APBA2: variants seen among roughly 807,000 people sequenced by gnomAD.
APBA2 encodes the protein amyloid beta precursor protein binding family A member 2.
Under a neutral mutation model 75.0 loss-of-function variants are expected in APBA2, and 30 were observed. That is an observed-to-expected ratio of 0.40 (90% CI 0.30 to 0.54). APBA2 has a LOEUF of 0.54. Ranked by LOEUF, APBA2 falls within the 20% of genes least tolerant of loss-of-function variation. The probability of loss-of-function intolerance (pLI) is 0.49; values close to 1 mark genes in which losing one functional copy is unlikely to be tolerated. For synonymous variants in APBA2, 444 were observed against 409.6 expected, an observed-to-expected ratio of 1.08 and a Z score of -1.01; for missense variants, 801 against 1,016.1, an observed-to-expected ratio of 0.79 and a Z score of 2.88.
chr15:29,045,083 C>CTCTCTT (rs1279560898), intron 3 of APBA2, among the ~76,000 whole-genome samples: 1 of 139,880 alleles, frequency 7.1e-6, no homozygotes, highest in East Asian at 2.1e-4. Context: ...CTCTCTCTCT[C>CTCTCTT]TCTCTCTCTC....
intron 1 of APBA2, among the ~76,000 whole-genome samples, chr15:28,910,422 C>T (rs141763337): frequency 1.2e-3 from 181 of 152,242 alleles, no homozygotes; most frequent in African/African-American, 4.2e-3. Context: ...TGATTCCTGC[C>T]AAAATCTTAA....
chr15:29,023,481 A>C (rs1259620161), intron 3 of APBA2, among the ~76,000 whole-genome samples: 1 of 97,266 alleles, frequency 1.0e-5, no homozygotes, highest in African/African-American at 3.9e-5. Flanking sequence ...TTTGAGACAG[A>C]GTCTTGCTCT....
intron 3 of APBA2, among the ~76,000 whole-genome samples, chr15:29,007,331 C>T (rs1362635820): frequency 6.6e-6 from 1 of 152,156 alleles, no homozygotes; most frequent in Non-Finnish European, 1.5e-5. Context: ...TTGGTAGTGA[C>T]TTCTTGGATG....
At chr15:29,073,992 G>C (rs1044052728) in intron 4 of APBA2, among the ~76,000 whole-genome samples, 12 of 152,082 alleles carry the variant, frequency 7.9e-5, no homozygotes, top group African/African-American at 2.7e-4. Context: ...TCTCATCCAA[G>C]AATTTAGGTT....
intron 4 of APBA2, among the ~76,000 whole-genome samples, chr15:29,060,296 G>C (rs28551633): frequency 2.0e-5 from 3 of 152,216 alleles, no homozygotes; most frequent in Admixed American, 1.3e-4. Flanking sequence ...GAGCAACCCA[G>C]AGAGAGGGAG....
At chr15:29,060,681 G>T (rs1421846904) in intron 4 of APBA2, among the ~76,000 whole-genome samples, 6 of 152,158 alleles carry the variant, frequency 3.9e-5, no homozygotes, top group Admixed American at 3.9e-4. Context: ...GTGCTAACGT[G>T]TCCTAAGTTC....
intron 2 of APBA2, among the ~76,000 whole-genome samples, chr15:28,931,408 G>A (rs2034556846): frequency 6.6e-6 from 1 of 152,308 alleles, no homozygotes; most frequent in South Asian, 2.1e-4. Flanking sequence ...GACTCAGAGG[G>A]AGTCTCACGC....
At position 29,077,357 on chromosome 15, in the gene APBA2, G is replaced by A. The variant is rs1595903679; in HGVS notation, c.1069+1266G>A. On this transcript the variant is annotated intron_variant, in intron 6 of 14. Coordinates refer to ENST00000683413, the MANE Select transcript of APBA2 (RefSeq NM_001353788.2). ...CCTTGGCAGGCAGAAGCCAGGGTGG[G>A]GTTGCCAGTCACACTGCTCCAGTGA... is the stretch of plus-strand genomic sequence containing the variant. 2.0e-5 allele frequency among the ~76,000 whole-genome samples: 3 copies of A among 152,270 alleles called. No homozygotes were observed. The South Asian group carries it at 6.2e-4, about 32-fold the overall frequency.
chr15:28,996,865 G>A (rs1282028956), intron 3 of APBA2, among the ~76,000 whole-genome samples: 1 of 152,230 alleles, frequency 6.6e-6, no homozygotes, highest in East Asian at 1.9e-4. Context: ...AACACTTTGT[G>A]TGTCCCAGTG....
chr15:28,921,872 A>G (rs2033988339), intron 2 of APBA2, 123 bp downstream of exon 2: 1 of 152,200 alleles, frequency 6.6e-6, no homozygotes, highest in Admixed American at 6.5e-5. Flanking sequence ...ACCTTTCTCT[A>G]ATAAAAGCTT....
In APBA2 at chr15:29,053,862, T is replaced by C. The variant is rs753958933; in HGVS notation, c.-23T>C. 2 of 1,602,666 alleles carry C rather than the reference T, an allele frequency of 1.2e-6. No homozygotes were observed. Among genetic ancestry groups the C allele is most frequent in the South Asian group, 2.2e-5 (2 of 90,280 alleles). ...CCCCACAGTGGCTGCCTCCGGGTGA[T>C]GATGGCTGTGTGAACGACTGCCATG... On this transcript the variant is annotated 5_prime_UTR_variant, in exon 4 of 15. It removes an upstream start codon present in the reference 5' UTR. Transcript: ENST00000683413.
At chr15:29,114,908 G>C (rs976297427) in intron 14 of APBA2, among the ~76,000 whole-genome samples, 4 of 141,438 alleles carry the variant, frequency 2.8e-5, no homozygotes, top group African/African-American at 9.5e-5. Flanking sequence ...TGTGAGCATG[G>C]GGTGTCAAGC....
At chr15:29,060,743 G>A (rs1001818522) in intron 4 of APBA2, among the ~76,000 whole-genome samples, 4 of 152,060 alleles carry the variant, frequency 2.6e-5, no homozygotes, top group African/African-American at 9.7e-5. Context: ...TGTTCATGTG[G>A]CATTTTTCTT....
intron 2 of APBA2, among the ~76,000 whole-genome samples, chr15:28,935,747 C>T (rs1413437854): frequency 2.0e-5 from 3 of 152,134 alleles, no homozygotes; most frequent in African/African-American, 4.8e-5. Flanking sequence ...GGAAGGGAGT[C>T]GGGGCAAGGG....
intron 2 of APBA2, among the ~76,000 whole-genome samples, chr15:28,937,065 A>G (rs577471822): frequency 1.3e-5 from 2 of 152,090 alleles, no homozygotes; most frequent in African/African-American, 4.8e-5. Flanking sequence ...TCCTGGCTCT[A>G]CCTCCAGGAT....
chr15:28,935,218 G>A lies in APBA2; in HGVS notation c.-95+13469G>A, dbSNP rs564333025. Reference sequence around the variant, plus strand: ...CTTAAAGAGAGCAAGAGCCCTGCACGGTGGCCCGGACCCTTGGGGCCCCTT... The same window carrying A: ...CTTAAAGAGAGCAAGAGCCCTGCACAGTGGCCCGGACCCTTGGGGCCCCTT... On this transcript the variant is annotated intron_variant, in intron 2 of 14. Transcript: ENST00000683413. Among the ~76,000 whole-genome samples the A allele has an allele frequency of 1.8e-4, 27 of 152,310 alleles. No homozygotes were observed. In the South Asian group the frequency reaches 2.9e-3, roughly 16 times the overall value.
intron 2 of APBA2, among the ~76,000 whole-genome samples, chr15:28,956,363 G>A (rs1007052352): frequency 1.3e-5 from 2 of 152,016 alleles, no homozygotes; most frequent in Non-Finnish European, 1.5e-5. Context: ...CCAAGCAGGA[G>A]GAACTGCATG....
chr15:28,957,556 A>T (rs1317241714), intron 2 of APBA2, among the ~76,000 whole-genome samples: 1 of 151,796 alleles, frequency 6.6e-6, no homozygotes, highest in East Asian at 1.9e-4. Context: ...CCTCACCAAC[A>T]CTTGTTATTT....
intron 3 of APBA2, among the ~76,000 whole-genome samples, chr15:28,997,086 C>T (rs1293221616): frequency 6.6e-6 from 1 of 152,212 alleles, no homozygotes; most frequent in Non-Finnish European, 1.5e-5. Context: ...GCATCTTTCC[C>T]ACATTGTGGT....
Sources: gnomAD v4.1 joint callset for allele counts (sites outside exome capture counted in the v4.1 genomes callset) on GRCh38, gnomAD v4.1.1 for gene constraint, MANE v1.5 for transcripts, NCBI Gene and HGNC (gene_info 2026-07-23, HGNC 2026-07-21) for gene names.